Variants in SFT2D2 observed in about 807,000 individuals in gnomAD.
SFT2D2 encodes vesicle transport protein SFT2B.
SFT2D2 carries 21 observed loss-of-function variants against 27.4 expected under a neutral mutation model. The ratio of observed to expected loss-of-function variants is 0.77; its 90% CI spans 0.54 to 1.10. The LOEUF (loss-of-function observed/expected upper bound fraction) is 1.10, where lower values mean the gene tolerates loss of function less well. Ranked by LOEUF, SFT2D2 falls within the 50% of genes least tolerant of loss-of-function variation. The pLI, the probability that SFT2D2 is intolerant of heterozygous loss-of-function variation, is 0.00. For synonymous variants in SFT2D2, 72 were observed against 71.7 expected, an observed-to-expected ratio of 1.00 and a Z score of -0.02; for missense variants, 187 against 194.2, an observed-to-expected ratio of 0.96 and a Z score of 0.22.
Position 168,244,999 on chromosome 1 carries a change from T to G in SFT2D2, c.*2459T>G, listed in dbSNP as rs1647771469. The G allele has an allele frequency of 6.6e-6, 1 of 152,234 alleles. No individual in the cohort carries two copies. The highest frequency in any genetic ancestry group is 2.1e-4 in the South Asian group (1 of 4,828). The allele number at this position is 152,234 out of a possible 1,614,324, so 9.4% of individuals were successfully genotyped here. ...TCCTATGTAATGATGAAAGGCTGAA[T>G]GTTTTCCCCTAAGATTGAGAATAAG... On this transcript the variant is annotated 3_prime_UTR_variant, in exon 8 of 8. Transcript: ENST00000271375.
chr1:168,239,868 A>C (rs755040281), intron 7 of SFT2D2, among the ~76,000 whole-genome samples: 2 of 151,364 alleles, frequency 1.3e-5, no homozygotes, highest in East Asian at 3.9e-4. Context: ...TTAATTAAAA[A>C]CAAGCTTTTT....
intron 1 of SFT2D2, among the ~76,000 whole-genome samples, chr1:168,228,393 T>C (rs1700482420): frequency 6.6e-6 from 1 of 152,228 alleles, no homozygotes; most frequent in Admixed American, 6.5e-5. Context: ...TTAAAACCTT[T>C]ATTCCTTTAA....
chr1:168,242,184 C>A (rs1366545560), intron 7 of SFT2D2, among the ~76,000 whole-genome samples: 2 of 152,194 alleles, frequency 1.3e-5, no homozygotes, highest in South Asian at 2.1e-4. Flanking sequence ...TAAAGTGCAG[C>A]AATCCTGACT....
At chr1:168,236,887 T>A in intron 6 of SFT2D2, 117 bp downstream of exon 6, 1 of 658,990 alleles carries the variant, frequency 1.5e-6, no homozygotes, top group South Asian at 2.0e-5. Flanking sequence ...GCTGTTTAAT[T>A]TAAGGATTCG....
At position 168,226,267 on chromosome 1, in the gene SFT2D2, CTCT is replaced by C. The variant is rs200449339; in HGVS notation, c.63+132_63+134del. 4,223 of 776,634 alleles carry C rather than the reference CTCT, an allele frequency of 5.4e-3. 24 individuals carry two copies. Among genetic ancestry groups the C allele is most frequent in the Non-Finnish European group, 7.1e-3 (3,642 of 516,034 alleles). The allele number at this position is 776,634 out of a possible 1,614,324, so 48.1% of individuals were successfully genotyped here. ...GACGGTAGCTCTGCCCCTTCTCCTC[CTCT>C]TCTTCTGCAGGGCTCCGCGAAGAGG... On this transcript the variant is annotated intron_variant, in intron 1 of 7. Transcript: ENST00000271375.
At position 168,226,036 on chromosome 1, in the gene SFT2D2, C is replaced by T; in HGVS notation, c.-44C>T. On this transcript the variant is annotated 5_prime_UTR_variant, in exon 1 of 8. Transcript: ENST00000271375. ...AGAGCCGTCAACTTAGCGAGCGCAA[C>T]AGGCTGCCGCTGAGGAGCTGGAGCT... 2.7e-6 allele frequency: 4 copies of T among 1,475,610 alleles called. No homozygotes were observed. The highest frequency in any genetic ancestry group is 1.3e-5 in the South Asian group (1 of 75,518). 91.4% of individuals were successfully genotyped at this position (1,475,610 alleles called of 1,614,324 possible). A position where few individuals can be genotyped will look rare whatever the true frequency, so the allele number is the denominator to read the frequency against.
intron 1 of SFT2D2, 72 bp downstream of exon 1, chr1:168,226,214 A>G: frequency 7.2e-7 from 1 of 1,385,312 alleles, no homozygotes. Flanking sequence ...GGGCCTGGGA[A>G]GCCTGCGGGG....
At chr1:168,226,883 G>A (rs556942425) in intron 1 of SFT2D2, among the ~76,000 whole-genome samples, 136 of 152,064 alleles carry the variant, frequency 8.9e-4, no homozygotes, top group African/African-American at 3.1e-3. Flanking sequence ...GCAGTGGCGC[G>A]ATCTTGGCTC....
rs1024329051 is a variant in SFT2D2 at position 168,248,915 on chromosome 1, C to T, written c.*6375C>T. 6.6e-6 allele frequency: 1 copy of T among 151,406 alleles called. No individual in the cohort carries two copies. The highest frequency in any genetic ancestry group is 1.5e-5 in the Non-Finnish European group (1 of 67,752). 9.4% of individuals were successfully genotyped at this position (151,406 alleles called of 1,614,324 possible). A position where few individuals can be genotyped will look rare whatever the true frequency, so the allele number is the denominator to read the frequency against. On this transcript the variant is annotated 3_prime_UTR_variant, in exon 8 of 8. Transcript: ENST00000271375. ...TATTCTCTAATGGTAGTTTGTATTT[C>T]TGTGGTATCGGTGGTGATATCCCCT...
rs77528270 is a variant in SFT2D2 at position 168,227,718 on chromosome 1, C to G, written c.63+1576C>G. ...AAGGTCTGACTCATAGGTAGCTGAC[C>G]CTCGTTATTTAAAGCTTTATTTCCA... On this transcript the variant is annotated intron_variant, in intron 1 of 7. Coordinates refer to ENST00000271375, the MANE Select transcript of SFT2D2 (RefSeq NM_199344.3). Among the ~76,000 whole-genome samples the G allele has an allele frequency of 3.0e-3, 449 of 152,168 alleles. 5 individuals carry two copies. Among genetic ancestry groups the G allele is most frequent in the Non-Finnish European group, 5.4e-3 (366 of 68,014 alleles).
At chr1:168,232,310 C>G (rs1402822146) in intron 3 of SFT2D2, among the ~76,000 whole-genome samples, 17 of 152,178 alleles carry the variant, frequency 1.1e-4, no homozygotes, top group Non-Finnish European at 8.8e-5. Context: ...TAGTGTCAGA[C>G]CTTCCCAGAC....
rs917825878 is a variant in SFT2D2 at position 168,246,605 on chromosome 1, A to G, written c.*4065A>G. 41 of 1,480,044 alleles carry G rather than the reference A, an allele frequency of 2.8e-5. No homozygotes were observed. Among genetic ancestry groups the G allele is most frequent in the South Asian group, 3.4e-5 (3 of 89,004 alleles). The allele number at this position is 1,480,044 out of a possible 1,614,324, so 91.7% of individuals were successfully genotyped here. A position where few individuals can be genotyped will look rare whatever the true frequency, so the allele number is the denominator to read the frequency against. ...TTCAAATTTTCCTGTAAATGACGCA[A>G]TTTATCTACTGTGCCCTGGAAATCA... On this transcript the variant is annotated 3_prime_UTR_variant, in exon 8 of 8. Transcript: ENST00000271375.
intron 7 of SFT2D2, among the ~76,000 whole-genome samples, chr1:168,240,445 T>C (rs1044995078): frequency 6.6e-6 from 1 of 152,064 alleles, no homozygotes; most frequent in African/African-American, 2.4e-5. Context: ...CTGAGAAGAA[T>C]ATGGGCAGGG....
chr1:168,230,051 C>G, intron 1 of SFT2D2, among the ~76,000 whole-genome samples: 1 of 152,160 alleles, frequency 6.6e-6, no homozygotes, highest in East Asian at 1.9e-4. Context: ...ATAACCTGAC[C>G]TAAATACCTT....
At chr1:168,232,221 T>C (rs1238519751) in intron 3 of SFT2D2, among the ~76,000 whole-genome samples, 1 of 152,206 alleles carries the variant, frequency 6.6e-6, no homozygotes, top group East Asian at 1.9e-4. Flanking sequence ...TGCTGTATTC[T>C]TACTGCTGTC....
At chr1:168,226,473 C>A (rs1164320002) in intron 1 of SFT2D2, among the ~76,000 whole-genome samples, 1 of 152,142 alleles carries the variant, frequency 6.6e-6, no homozygotes, top group Non-Finnish European at 1.5e-5. Context: ...GCTTTAGGGC[C>A]GGGTAGGGCT....
chr1:168,233,913 G>C (rs986599140), intron 3 of SFT2D2, among the ~76,000 whole-genome samples: 1 of 152,202 alleles, frequency 6.6e-6, no homozygotes, highest in South Asian at 2.1e-4. Context: ...TTCTTATTCG[G>C]TGTAGGTTAA....
chr1:168,240,926 A>G (rs1176533803), intron 7 of SFT2D2, among the ~76,000 whole-genome samples: 1 of 152,174 alleles, frequency 6.6e-6, no homozygotes, highest in Non-Finnish European at 1.5e-5. Context: ...AAAAAGATTA[A>G]GAATTTCAAG....
chr1:168,241,827 C>T (rs905325193), intron 7 of SFT2D2, among the ~76,000 whole-genome samples: 2 of 152,142 alleles, frequency 1.3e-5, no homozygotes, highest in East Asian at 1.9e-4. Context: ...ATCCATTCAC[C>T]TCTCCCTCCC....
Sources: gnomAD v4.1 joint callset for allele counts (sites outside exome capture counted in the v4.1 genomes callset) on GRCh38, gnomAD v4.1.1 for gene constraint, MANE v1.5 for transcripts, NCBI Gene and HGNC (gene_info 2026-07-23, HGNC 2026-07-21) for gene names.